The following GLI2 variants were observed in gnomAD, a reference collection of about 807,000 sequenced individuals.
GLI2 encodes GLI family zinc finger 2, also known as transcription activator GLI2.
GLI2 carries 22 observed loss-of-function variants against 78.9 expected under a neutral mutation model. The ratio of observed to expected loss-of-function variants is 0.28; its 90% CI spans 0.20 to 0.40. The LOEUF (loss-of-function observed/expected upper bound fraction) is 0.40, where lower values mean the gene tolerates loss of function less well. Among genes scored for constraint, GLI2 ranks in the 10% least tolerant of loss-of-function variants. The pLI, the probability that GLI2 is intolerant of heterozygous loss-of-function variation, is 1.00. For synonymous variants in GLI2, 974 were observed against 963.7 expected, an observed-to-expected ratio of 1.01 and a Z score of -0.20; for missense variants, 2,097 against 2,213.2, an observed-to-expected ratio of 0.95 and a Z score of 1.05.
chr2:120,861,723 GA>G (rs535284592), intron 2 of GLI2, among the ~76,000 whole-genome samples: 75 of 152,266 alleles, frequency 4.9e-4, no homozygotes, highest in African/African-American at 1.7e-3. Flanking sequence ...TAATACAGAC[GA>G]AAAAGGCATT....
At chr2:120,745,383 C>G (rs1354130836) in intron 1 of GLI2, among the ~76,000 whole-genome samples, 2 of 152,128 alleles carry the variant, frequency 1.3e-5, no homozygotes, top group Non-Finnish European at 2.9e-5. Flanking sequence ...AAGGGCCTAC[C>G]TTGTGGACAC....
chr2:120,843,678 T>C (rs1686985443), intron 2 of GLI2, among the ~76,000 whole-genome samples: 1 of 152,050 alleles, frequency 6.6e-6, no homozygotes, highest in African/African-American at 2.4e-5. Context: ...TTTGTTGTTG[T>C]TGTTTTGAGA....
At chr2:120,955,173 T>C in intron 4 of GLI2, 72 bp from the exon 5 acceptor site, 1 of 633,804 alleles carries the variant, frequency 1.6e-6, no homozygotes. Context: ...TTTTTTTTTT[T>C]TTTTTTTTGG....
At chr2:120,919,785 C>T (rs1378606821) in intron 2 of GLI2, among the ~76,000 whole-genome samples, 1 of 152,230 alleles carries the variant, frequency 6.6e-6, no homozygotes, top group Non-Finnish European at 1.5e-5. Flanking sequence ...ATGCGCCCTT[C>T]CTTGATTTCT....
At chr2:120,818,928 G>A (rs567793388) in intron 2 of GLI2, among the ~76,000 whole-genome samples, 4 of 151,892 alleles carry the variant, frequency 2.6e-5, no homozygotes, top group East Asian at 1.9e-4. Context: ...GCAGCCCCCC[G>A]CCCTCTTTTA....
chr2:120,901,391 G>T (rs1678246580), intron 2 of GLI2, among the ~76,000 whole-genome samples: 1 of 152,202 alleles, frequency 6.6e-6, no homozygotes, highest in Admixed American at 6.5e-5. Context: ...ATTGCCTGGG[G>T]TGACAGCGTC....
At chr2:120,763,242 C>G (rs1322534190) in intron 1 of GLI2, among the ~76,000 whole-genome samples, 1 of 152,206 alleles carries the variant, frequency 6.6e-6, no homozygotes, top group Non-Finnish European at 1.5e-5. Context: ...TTAACTGGCT[C>G]TCAGATCTGT....
At chr2:120,897,184 G>A (rs1353796911) in intron 2 of GLI2, among the ~76,000 whole-genome samples, 2 of 152,232 alleles carry the variant, frequency 1.3e-5, no homozygotes, top group African/African-American at 2.4e-5. Context: ...TCCTGGTCTT[G>A]TCCGGGTCAG....
chr2:120,788,991 A>T (rs1640099129), intron 1 of GLI2, among the ~76,000 whole-genome samples: 1 of 149,210 alleles, frequency 6.7e-6, no homozygotes, highest in Admixed American at 6.6e-5. Flanking sequence ...GACAGCCCCT[A>T]TGGTTCCCCT....
At chr2:120,974,681 G>A (rs1359681423) in intron 8 of GLI2, among the ~76,000 whole-genome samples, 3 of 152,236 alleles carry the variant, frequency 2.0e-5, no homozygotes, top group Non-Finnish European at 4.4e-5. Flanking sequence ...AGACAAGTGT[G>A]CACTGGAGAG....
At chr2:120,976,624 T>C (rs1158007736) in intron 9 of GLI2, among the ~76,000 whole-genome samples, 1 of 152,212 alleles carries the variant, frequency 6.6e-6, no homozygotes, top group African/African-American at 2.4e-5. Context: ...CAGATGAGGA[T>C]GTCAAAGACG....
At chr2:120,790,783 A>G (rs946903471) in intron 1 of GLI2, among the ~76,000 whole-genome samples, 3 of 152,132 alleles carry the variant, frequency 2.0e-5, no homozygotes, top group Non-Finnish European at 2.9e-5. Flanking sequence ...AGTGATGGGA[A>G]GGTGGACAGA....
intron 2 of GLI2, among the ~76,000 whole-genome samples, chr2:120,887,663 G>A (rs370238463): frequency 9.8e-5 from 15 of 152,368 alleles, no homozygotes; most frequent in South Asian, 6.2e-4. Context: ...TTCTCCCACA[G>A]AGGCCATTAT....
intron 2 of GLI2, among the ~76,000 whole-genome samples, chr2:120,907,535 C>T (rs1047556894): frequency 2.0e-5 from 3 of 152,178 alleles, no homozygotes; most frequent in African/African-American, 4.8e-5. Flanking sequence ...TTGCTTCTCA[C>T]GTTATTCAGC....
At chr2:120,838,899 T>G (rs1361233969) in intron 2 of GLI2, among the ~76,000 whole-genome samples, 1 of 152,172 alleles carries the variant, frequency 6.6e-6, no homozygotes, top group African/African-American at 2.4e-5. Flanking sequence ...GGCTATACAT[T>G]TAGTGATGCA....
intron 1 of GLI2, among the ~76,000 whole-genome samples, chr2:120,771,068 C>G (rs77686610): frequency 0.011 from 1,687 of 152,336 alleles, 23 homozygotes; most frequent in African/African-American, 0.038. Context: ...TTTTGGAAAG[C>G]CTGCCAGAGT....
chr2:120,873,941 A>G (rs1402127851), intron 2 of GLI2, among the ~76,000 whole-genome samples: 1 of 152,110 alleles, frequency 6.6e-6, no homozygotes, highest in African/African-American at 2.4e-5. Flanking sequence ...TAGAACACCC[A>G]TGTTGTGGCC....
At chr2:120,912,968 G>A (rs1039657914) in intron 2 of GLI2, among the ~76,000 whole-genome samples, 24 of 152,184 alleles carry the variant, frequency 1.6e-4, no homozygotes, top group Non-Finnish European at 2.6e-4. Flanking sequence ...ACCCTCCTAC[G>A]ATTCTGGGAA....
chr2:120,951,501 C>A, intron 4 of GLI2, 56 bp downstream of exon 4: 1 of 1,163,052 alleles, frequency 8.6e-7, no homozygotes, highest in Non-Finnish European at 1.3e-6. Context: ...CAGGGCGCAG[C>A]CAGCCTCTCT....
Sources: gnomAD v4.1 joint callset for allele counts (sites outside exome capture counted in the v4.1 genomes callset) on GRCh38, gnomAD v4.1.1 for gene constraint, MANE v1.5 for transcripts, NCBI Gene and HGNC (gene_info 2026-07-23, HGNC 2026-07-21) for gene names.